Variants in ZDHHC20 observed in about 807,000 individuals in gnomAD.
ZDHHC20 encodes zDHHC palmitoyltransferase 20.
ZDHHC20 carries 43 observed loss-of-function variants against 57.8 expected under a neutral mutation model. The observed-to-expected ratio is 0.74, with a 90% CI of 0.58 to 0.96. The LOEUF is 0.96. Ranked by LOEUF, ZDHHC20 falls within the 40% of genes least tolerant of loss-of-function variation. The pLI is 0.00. For missense variants in ZDHHC20, 391 were observed against 441.1 expected, an observed-to-expected ratio of 0.89 and a Z score of 1.02; for synonymous variants, 157 against 153.0, an observed-to-expected ratio of 1.03 and a Z score of -0.19.
At chr13:21,393,950 T>C (rs1876305940) in intron 7 of ZDHHC20, among the ~76,000 whole-genome samples, 2 of 152,234 alleles carry the variant, frequency 1.3e-5, no homozygotes, top group African/African-American at 4.8e-5. Flanking sequence ...AAAAACTAGA[T>C]CTGATGACTT....
At position 21,425,646 on chromosome 13, in the gene ZDHHC20, C is replaced by A; in HGVS notation, c.145+6G>T. ...TTAACTTAAATTGAAACTAAAAGTG[C>A]CTTACCATTTTCTTCATTTCCAAAA... On this transcript the variant is annotated splice_donor_region_variant and intron_variant, in intron 2 of 12. Coordinates refer to ENST00000400590, the MANE Select transcript of ZDHHC20 (RefSeq NM_001330059.2). 8.4e-7 allele frequency: 1 copy of A among 1,190,416 alleles called. No individual in the cohort carries two copies. The highest frequency in any genetic ancestry group is 1.6e-5 in the South Asian group (1 of 62,030). 73.7% of individuals were successfully genotyped at this position (1,190,416 alleles called of 1,614,324 possible). A position where few individuals can be genotyped will look rare whatever the true frequency, so the allele number is the denominator to read the frequency against.
At chr13:21,425,569 T>A in intron 2 of ZDHHC20, 83 bp downstream of exon 2, 1 of 989,238 alleles carries the variant, frequency 1.0e-6, no homozygotes, top group Non-Finnish European at 1.4e-6. Context: ...CAAAAACACA[T>A]GCATTCATCA....
intron 3 of ZDHHC20, among the ~76,000 whole-genome samples, chr13:21,415,964 A>G (rs1879905034): frequency 6.6e-6 from 1 of 152,046 alleles, no homozygotes; most frequent in Non-Finnish European, 1.5e-5. Context: ...GCACTTTGGG[A>G]GGCCGAAGCT....
intron 4 of ZDHHC20, chr13:21,404,489 C>A (rs1878167055): frequency 5.0e-6 from 2 of 402,446 alleles, no homozygotes; most frequent in Admixed American, 2.9e-5. Flanking sequence ...TGGCTCACAC[C>A]TGTAATCCCA....
chr13:21,398,744 A>G (rs1423785316), intron 7 of ZDHHC20, among the ~76,000 whole-genome samples: 1 of 152,232 alleles, frequency 6.6e-6, no homozygotes, highest in African/African-American at 2.4e-5. Flanking sequence ...CAGTGAAATG[A>G]AAATGAGGTT....
chr13:21,393,375 C>A (rs1314464581), intron 7 of ZDHHC20, among the ~76,000 whole-genome samples: 1 of 151,196 alleles, frequency 6.6e-6, no homozygotes, highest in Non-Finnish European at 1.5e-5. Context: ...GTGGTACACG[C>A]CTGTAATCCC....
intron 1 of ZDHHC20, among the ~76,000 whole-genome samples, chr13:21,438,966 C>T (rs1476838842): frequency 7.9e-5 from 12 of 152,100 alleles, no homozygotes; most frequent in Admixed American, 7.9e-4. Context: ...ATTTTTTTAG[C>T]AAAAAGTATT....
In ZDHHC20 at chr13:21,373,033, A is replaced by C. The variant is rs7985070; in HGVS notation, c.*3663T>G. ...ATTTTTAATTTAAATTGGAAAATAC[A>C]GTTTAGATCATATGAAACATATGGA... On this transcript the variant is annotated 3_prime_UTR_variant, in exon 13 of 13. Transcript: ENST00000400590. 692 of 151,670 alleles carry C rather than the reference A, an allele frequency of 4.6e-3. 9 individuals are homozygous for C. Among genetic ancestry groups the C allele is most frequent in the African/African-American group, 0.016 (654 of 41,514 alleles). 9.4% of individuals were successfully genotyped at this position (151,670 alleles called of 1,614,324 possible). A position where few individuals can be genotyped will look rare whatever the true frequency, so the allele number is the denominator to read the frequency against.
chr13:21,393,268 G>A (rs1593194801), intron 7 of ZDHHC20, among the ~76,000 whole-genome samples: 1 of 151,598 alleles, frequency 6.6e-6, no homozygotes, highest in East Asian at 1.9e-4. Flanking sequence ...TTTGGGAGGC[G>A]GAGACAGGCG....
At chr13:21,416,539 T>C (rs1879998139) in intron 3 of ZDHHC20, among the ~76,000 whole-genome samples, 1 of 152,230 alleles carries the variant, frequency 6.6e-6, no homozygotes, top group Non-Finnish European at 1.5e-5. Context: ...AGTATATTTC[T>C]ATAGTCTAGT....
chr13:21,433,448 T>C (rs1473988518), intron 1 of ZDHHC20, among the ~76,000 whole-genome samples: 1 of 152,076 alleles, frequency 6.6e-6, no homozygotes, highest in African/African-American at 2.4e-5. Flanking sequence ...AAACTCCATC[T>C]CTACTAAAAA....
chr13:21,413,888 C>G (rs539877875), intron 3 of ZDHHC20, 116 bp from the exon 4 acceptor site: 1 of 738,048 alleles, frequency 1.4e-6, no homozygotes, highest in African/African-American at 1.9e-5. Flanking sequence ...GAAGACAAAA[C>G]TTGTCTTCAA....
At chr13:21,424,579 C>CG (rs1881036541) in intron 2 of ZDHHC20, among the ~76,000 whole-genome samples, 3 of 151,912 alleles carry the variant, frequency 2.0e-5, no homozygotes, top group African/African-American at 7.3e-5. Flanking sequence ...GGCGTGGTGG[C>CG]AGGTGCCTGT....
chr13:21,449,422 T>C (rs1454988815), intron 1 of ZDHHC20, among the ~76,000 whole-genome samples: 1 of 151,974 alleles, frequency 6.6e-6, no homozygotes, highest in African/African-American at 2.4e-5. Context: ...CTGGGCCTCT[T>C]CTCCATGTGG....
At chr13:21,431,724 A>G (rs1881979714) in intron 1 of ZDHHC20, among the ~76,000 whole-genome samples, 1 of 152,226 alleles carries the variant, frequency 6.6e-6, no homozygotes, top group Admixed American at 6.5e-5. Flanking sequence ...TGTTTTTCTA[A>G]TAACTACAGC....
intron 4 of ZDHHC20, among the ~76,000 whole-genome samples, chr13:21,408,936 C>G (rs1349189209): frequency 1.3e-5 from 2 of 152,262 alleles, no homozygotes; most frequent in East Asian, 1.9e-4. Flanking sequence ...ATTGAACCAG[C>G]CTTGCATCCC....
chr13:21,385,543 A>C lies in ZDHHC20; in HGVS notation c.854+1965T>G, dbSNP rs117822673. ...TGAACTTGTGGATATTAGCAGTAGAAATTAACCAAAATGAAGCAGAGAAAA... is the reference window on the plus strand; with the variant it reads ...TGAACTTGTGGATATTAGCAGTAGACATTAACCAAAATGAAGCAGAGAAAA... On this transcript the variant is annotated intron_variant, in intron 9 of 12. Coordinates refer to ENST00000400590, the MANE Select transcript of ZDHHC20 (RefSeq NM_001330059.2). Among the ~76,000 whole-genome samples the C allele has an allele frequency of 2.1e-3, 317 of 152,338 alleles. 9 individuals are homozygous for C. In the East Asian group the frequency reaches 0.056, roughly 27 times the overall value.
intron 4 of ZDHHC20, among the ~76,000 whole-genome samples, chr13:21,411,010 C>T (rs896986898): frequency 1.3e-5 from 2 of 152,228 alleles, no homozygotes; most frequent in Non-Finnish European, 1.5e-5. Context: ...GAGGGAATCT[C>T]CTGGTCTGTG....
intron 1 of ZDHHC20, among the ~76,000 whole-genome samples, chr13:21,453,673 G>A (rs1396756906): frequency 1.3e-5 from 2 of 152,074 alleles, no homozygotes; most frequent in Admixed American, 1.3e-4. Context: ...AAAGATATCT[G>A]GAAAACCCCC....
Sources: gnomAD v4.1 joint callset for allele counts (sites outside exome capture counted in the v4.1 genomes callset) on GRCh38, gnomAD v4.1.1 for gene constraint, MANE v1.5 for transcripts, NCBI Gene and HGNC (gene_info 2026-07-23, HGNC 2026-07-21) for gene names.